HEMK2: variants seen among roughly 807,000 people sequenced by gnomAD.
The protein encoded by HEMK2 is HemK methyltransferase 2, ETF1 glutamine and histone H4 lysine, also known as methyltransferase HEMK2.
chr21:28,595,612 A>G, the HEMK2 span, among the ~76,000 whole-genome samples: 4 of 152,148 alleles, frequency 2.6e-5, no homozygotes, highest in Non-Finnish European at 5.9e-5. Context: ...AATTTTGGCT[A>G]TCGTAAACAG....
chr21:28,721,929 CACACACACAT>C, the HEMK2 span, among the ~76,000 whole-genome samples: 205 of 147,416 alleles, frequency 1.4e-3, no homozygotes, highest in African/African-American at 4.2e-3. Flanking sequence ...CACACACACA[CACACACACAT>C]ACACCTATTT....
chr21:28,727,191 C>G, the HEMK2 span, among the ~76,000 whole-genome samples: 1 of 152,164 alleles, frequency 6.6e-6, no homozygotes, highest in Non-Finnish European at 1.5e-5. Context: ...ATTTGAGGAT[C>G]TGGAGGTTGA....
chr21:28,786,106 T>C, the HEMK2 span, among the ~76,000 whole-genome samples: 14 of 152,198 alleles, frequency 9.2e-5, no homozygotes, highest in Non-Finnish European at 1.9e-4. Context: ...AGATGCTTGT[T>C]AAATGTCTGT....
the HEMK2 span, among the ~76,000 whole-genome samples, chr21:28,721,943 CCT>C: frequency 2.0e-5 from 3 of 148,350 alleles, no homozygotes; most frequent in South Asian, 2.1e-4. Flanking sequence ...CACACATACA[CCT>C]ATTTGATGCA....
At chr21:28,780,620 T>C in the HEMK2 span, among the ~76,000 whole-genome samples, 1 of 152,192 alleles carries the variant, frequency 6.6e-6, no homozygotes, top group African/African-American at 2.4e-5. Context: ...CAGACAACTT[T>C]TAAAGTTCAT....
chr21:28,599,364 G>A, the HEMK2 span, among the ~76,000 whole-genome samples: 1 of 152,282 alleles, frequency 6.6e-6, no homozygotes, highest in East Asian at 1.9e-4. Flanking sequence ...TGTCTTACAT[G>A]GAGGCAGACA....
the HEMK2 span, among the ~76,000 whole-genome samples, chr21:28,593,077 T>C: frequency 6.6e-6 from 1 of 152,114 alleles, no homozygotes; most frequent in African/African-American, 2.4e-5. Flanking sequence ...ATGCTTATAA[T>C]CCCAGCTACT....
chr21:28,677,434 G>A, the HEMK2 span, among the ~76,000 whole-genome samples: 2 of 152,218 alleles, frequency 1.3e-5, no homozygotes, highest in African/African-American at 2.4e-5. Flanking sequence ...CACAGCTCAA[G>A]GAGGCCTGCC....
At chr21:28,630,182 T>C in the HEMK2 span, among the ~76,000 whole-genome samples, 1 of 152,148 alleles carries the variant, frequency 6.6e-6, no homozygotes, top group Admixed American at 6.6e-5. Flanking sequence ...TTAACTTTCT[T>C]TTTTTTCACT....
the HEMK2 span, among the ~76,000 whole-genome samples, chr21:28,842,006 T>C: frequency 1.3e-5 from 2 of 152,130 alleles, no homozygotes; most frequent in East Asian, 1.9e-4. Context: ...CCTTTGCTGA[T>C]TTTGCTGTAT....
the HEMK2 span, among the ~76,000 whole-genome samples, chr21:28,868,882 A>G: frequency 1.3e-5 from 2 of 152,134 alleles, no homozygotes; most frequent in Non-Finnish European, 2.9e-5. Context: ...TCTTATTATA[A>G]TAAGTCAGTG....
At chr21:28,768,843 G>C in the HEMK2 span, among the ~76,000 whole-genome samples, 4 of 151,916 alleles carry the variant, frequency 2.6e-5, no homozygotes, top group Admixed American at 6.6e-5. Context: ...GGTCATAAGG[G>C]TGGGCCCCAA....
the HEMK2 span, among the ~76,000 whole-genome samples, chr21:28,612,159 G>A: frequency 4.1e-5 from 6 of 145,710 alleles, no homozygotes; most frequent in Admixed American, 3.4e-4. Flanking sequence ...GATGAACATA[G>A]ATGCAAAAAT....
At chr21:28,640,797 C>T in the HEMK2 span, among the ~76,000 whole-genome samples, 1 of 152,194 alleles carries the variant, frequency 6.6e-6, no homozygotes. Flanking sequence ...CTCCAACACC[C>T]TGCCTTTTGT....
the HEMK2 span, among the ~76,000 whole-genome samples, chr21:28,712,153 A>C: frequency 0.99 from 150,312 of 152,126 alleles, 74,250 homozygotes; most frequent in African/African-American, 1. Flanking sequence ...GAGGCATGTT[A>C]TACACAGCCT....
chr21:28,648,448 T>C, the HEMK2 span, among the ~76,000 whole-genome samples: 2 of 152,210 alleles, frequency 1.3e-5, no homozygotes. Context: ...GTAAGATCCC[T>C]GAGGACAGGG....
the HEMK2 span, among the ~76,000 whole-genome samples, chr21:28,634,155 C>A: frequency 6.6e-6 from 1 of 152,194 alleles, no homozygotes; most frequent in African/African-American, 2.4e-5. Flanking sequence ...ATTTTGAGAA[C>A]TCCAAGCAGA....
the HEMK2 span, among the ~76,000 whole-genome samples, chr21:28,863,431 T>C: frequency 5.2e-5 from 3 of 57,378 alleles, no homozygotes; most frequent in Admixed American, 1.7e-4. Flanking sequence ...TATATATATA[T>C]ATATATATAT....
At chr21:28,715,253 C>G in the HEMK2 span, among the ~76,000 whole-genome samples, 1 of 152,184 alleles carries the variant, frequency 6.6e-6, no homozygotes, top group Non-Finnish European at 1.5e-5. Flanking sequence ...TACATTCCCA[C>G]CAGCAGTGTG....
Sources: allele counts gnomAD v4.1 joint callset (sites outside exome capture counted in the v4.1 genomes callset), GRCh38; gene constraint gnomAD v4.1.1; transcripts MANE v1.5; gene names NCBI Gene and HGNC (gene_info 2026-07-23, HGNC 2026-07-21).